The following GNS variants were observed in gnomAD, a reference collection of about 807,000 sequenced individuals.
GNS encodes the protein glucosamine (N-acetyl)-6-sulfatase.
Under a neutral mutation model 69.7 loss-of-function variants are expected in GNS, and 40 were observed. The observed-to-expected ratio is 0.57, with a 90% CI of 0.45 to 0.75. The LOEUF (loss-of-function observed/expected upper bound fraction) is 0.75, where lower values mean the gene tolerates loss of function less well. Among genes scored for constraint, GNS ranks in the 30% least tolerant of loss-of-function variants. The pLI is 0.00. For synonymous variants in GNS, 243 were observed against 251.6 expected, an observed-to-expected ratio of 0.97 and a Z score of 0.32; for missense variants, 565 against 685.5, an observed-to-expected ratio of 0.82 and a Z score of 1.96.
intron 2 of GNS, among the ~76,000 whole-genome samples, chr12:64,749,873 A>ATTT (rs35784292): frequency 1.6e-4 from 20 of 127,792 alleles, no homozygotes; most frequent in Non-Finnish European, 2.0e-4. Flanking sequence ...TGGTAGAGCA[A>ATTT]TTTTTTTTTT....
Position 64,759,144 on chromosome 12 carries a change from G to T in GNS, c.133C>A (p.Arg45=), listed in dbSNP as rs1870385540. The change falls in exon 1 of 14, where the codon CGG becomes AGG. Residue 45 remains arginine (R), a synonymous_variant. Coordinates refer to ENST00000258145, the MANE Select transcript of GNS (RefSeq NM_002076.4). ...AGGAGCAGCACCACGTTGGGCCTCC[G>T]GGTTCCCGCAGCCACCCCGAAGACC... is the stretch of plus-strand genomic sequence containing the variant. ...LGVFGVAAGT[R]RPNVVLLLTD... The T allele has an allele frequency of 6.4e-7, 1 of 1,558,676 alleles. No individual in the cohort carries two copies. The highest frequency in any genetic ancestry group is 2.4e-5 in the East Asian group (1 of 42,030).
At chr12:64,738,751 T>G (rs763737454) in intron 8 of GNS, among the ~76,000 whole-genome samples, 3 of 152,000 alleles carry the variant, frequency 2.0e-5, no homozygotes, top group Non-Finnish European at 4.4e-5. Flanking sequence ...AGGCAGAGAT[T>G]GCTGTGAGCC....
chr12:64,754,525 GAA>G (rs1293675350), intron 1 of GNS, among the ~76,000 whole-genome samples: 2 of 152,116 alleles, frequency 1.3e-5, no homozygotes, highest in Non-Finnish European at 2.9e-5. Flanking sequence ...GCTTAGGGAG[GAA>G]AAGGGAGAGT....
Position 64,759,387 on chromosome 12 carries a change from G to A in GNS, c.-111C>T, listed in dbSNP as rs1482516010. 1 of 723,958 alleles carries A rather than the reference G, an allele frequency of 1.4e-6. No individual in the cohort carries two copies. The highest frequency in any genetic ancestry group is 2.2e-6 in the Non-Finnish European group (1 of 451,344). The allele number at this position is 723,958 out of a possible 1,614,324, so 44.8% of individuals were successfully genotyped here. On this transcript the variant is annotated 5_prime_UTR_variant, in exon 1 of 14. Coordinates refer to ENST00000258145, the MANE Select transcript of GNS (RefSeq NM_002076.4). ...AGGAATAAAAAGCCGTGCCTTGAAG[G>A]CCGGTGGCTGGAGTCAGACGTTTTC...
chr12:64,744,359 GAA>G (rs1296998825), intron 5 of GNS, among the ~76,000 whole-genome samples: 2 of 152,128 alleles, frequency 1.3e-5, no homozygotes, highest in Non-Finnish European at 2.9e-5. Flanking sequence ...CTCAGAATAG[GAA>G]AGTCCCAATT....
Position 64,759,281 on chromosome 12 carries a change from G to A in GNS, c.-5C>T. On this transcript the variant is annotated 5_prime_UTR_variant, in exon 1 of 14. Coordinates refer to ENST00000258145, the MANE Select transcript of GNS (RefSeq NM_002076.4). ...GGCTAGAGGCAGGAGCCGCATAGCG[G>A]ACAGGCTCCGGGGTGACCCCGGGAC... 2 of 1,511,206 alleles carry A rather than the reference G, an allele frequency of 1.3e-6. No individual in the cohort carries two copies. The highest frequency in any genetic ancestry group is 8.9e-7 in the Non-Finnish European group (1 of 1,129,458). 93.6% of individuals were successfully genotyped at this position (1,511,206 alleles called of 1,614,324 possible).
intron 12 of GNS, among the ~76,000 whole-genome samples, chr12:64,721,274 T>C (rs1391365517): frequency 6.6e-6 from 1 of 152,212 alleles, no homozygotes. Context: ...CAGGTGCTGG[T>C]AAGCTTTCTA....
At position 64,759,255 on chromosome 12, in the gene GNS, G is replaced by C; in HGVS notation, c.22C>G (p.Pro8Ala). Residue 8 changes from proline (P) to alanine (A), a missense_variant, in exon 1 of 14, where the codon CCA becomes GCA. Pro to Ala is a conservative substitution (Grantham distance 27). Around this residue, in one of 2 missense-constraint regions of GNS, gnomAD observed 181 missense variants for 174.4 expected, o/e 1.04. Transcript: ENST00000258145. ...GGGCTGCCCCGCCGGAGCCGACCTG[G>C]GGCTAGAGGCAGGAGCCGCATAGCG... MRLLPLA[P>A]GRLRRGSPRH... is the part of the protein sequence containing the mutation. The C allele has an allele frequency of 1.3e-6, 2 of 1,537,604 alleles. No individual in the cohort carries two copies. Among genetic ancestry groups the C allele is most frequent in the South Asian group, 1.2e-5 (1 of 82,916 alleles).
intron 3 of GNS, 120 bp from the exon 4 acceptor site, chr12:64,745,844 C>T (rs979704836): frequency 2.9e-5 from 21 of 724,000 alleles, no homozygotes; most frequent in Non-Finnish European, 4.1e-5. Flanking sequence ...TACCTAATTT[C>T]CCCAAATAGA....
chr12:64,728,396 A>T (rs1198866773), intron 10 of GNS, among the ~76,000 whole-genome samples: 2 of 152,254 alleles, frequency 1.3e-5, no homozygotes, highest in African/African-American at 4.8e-5. Context: ...CTGAAGTGGT[A>T]TGTCTTGTTA....
chr12:64,718,691 A>G (rs890111616), intron 13 of GNS, among the ~76,000 whole-genome samples: 6 of 152,272 alleles, frequency 3.9e-5, no homozygotes, highest in African/African-American at 1.4e-4. Flanking sequence ...CAAGAGGTCC[A>G]GTCCCTTGAC....
intron 9 of GNS, among the ~76,000 whole-genome samples, chr12:64,731,317 T>C (rs1592497470): frequency 6.6e-6 from 1 of 152,212 alleles, no homozygotes; most frequent in Non-Finnish European, 1.5e-5. Flanking sequence ...ATTCAAGTGA[T>C]CCGCCTGCCC....
chr12:64,747,986 G>T, intron 2 of GNS, 68 bp from the exon 3 acceptor site: 2 of 871,438 alleles, frequency 2.3e-6, no homozygotes, highest in South Asian at 1.3e-5. Context: ...CATTGTTAAA[G>T]AGAGTAAAGA....
At position 64,747,768 on chromosome 12, in the gene GNS, T is replaced by C. The variant is rs746153437; in HGVS notation, c.403A>G (p.Ile135Val). ...KIQEPNTFPA[I>V]LRSMCGYQTF... ...TGATAACCACACATTGATCTGAGAA[T>C]TGCTGGGAAAGTATTTGGTTCTTGG... The change falls in exon 3 of 14, where the codon ATT (isoleucine) becomes GTT (valine). Residue 135 changes from isoleucine to valine, a missense_variant. By Grantham distance (29) the Ile-to-Val change is conservative (BLOSUM62 3). This residue lies in a region of GNS where 181 missense variants were observed against 174.4 expected (regional missense o/e 1.04). Transcript: ENST00000258145. 8.1e-5 allele frequency: 130 copies of C among 1,612,930 alleles called. No individual in the cohort carries two copies. The highest frequency in any genetic ancestry group is 1.1e-4 in the Non-Finnish European group (129 of 1,179,014).
At position 64,722,624 on chromosome 12, in the gene GNS, C is replaced by T. The variant is rs141870457; in HGVS notation, c.1308+382G>A. Among the ~76,000 whole-genome samples, 1,317 of 152,248 alleles carry T rather than the reference C, an allele frequency of 8.7e-3. 21 individuals carry two copies. Among genetic ancestry groups the T allele is most frequent in the African/African-American group, 0.026 (1,099 of 41,546 alleles). ...GTGACCTGCCTGGCTGCCGCCAATG[C>T]GAGGCACTCATAATGGCATGGTTAC... On this transcript the variant is annotated intron_variant, in intron 11 of 13. Transcript: ENST00000258145.
Position 64,723,050 on chromosome 12 carries a change from T to C in GNS, c.1264A>G (p.Asn422Asp). 6.2e-7 allele frequency: 1 copy of C among 1,613,178 alleles called. No homozygotes were observed. The highest frequency in any genetic ancestry group is 8.5e-7 in the Non-Finnish European group (1 of 1,179,102). The part of the protein sequence containing the change: ...VLVEYQGEGR[N>D]VTDPTCPSLS... ...GAAGGGCATGTTGGGTCAGTGACGT[T>C]ACGGCCTTCTCCTTGGTATTCCACC... The change falls in exon 11 of 14, where the codon AAC (asparagine) becomes GAC (aspartate). Residue 422 changes from asparagine to aspartate, a missense_variant. Asn to Asp is a conservative substitution (Grantham distance 23). This residue lies in a region of GNS where 384 missense variants were observed against 511.0 expected (regional missense o/e 0.75). Transcript: ENST00000258145.
Position 64,715,123 on chromosome 12 carries a change from C to T in GNS, c.*1618G>A, listed in dbSNP as rs1265760297. ...TTGCCTGAGTTGAACAAGTTACAAA[C>T]CACAGCTCTTCCTCCTCCCCTGCTG... On this transcript the variant is annotated 3_prime_UTR_variant, in exon 14 of 14. Transcript: ENST00000258145. The T allele has an allele frequency of 6.6e-6, 1 of 152,618 alleles. No homozygotes were observed. The highest frequency in any genetic ancestry group is 2.4e-5 in the African/African-American group (1 of 41,456). 9.5% of individuals were successfully genotyped at this position (152,618 alleles called of 1,614,324 possible).
At chr12:64,746,018 T>C in intron 3 of GNS, 1 of 465,544 alleles carries the variant, frequency 2.1e-6, no homozygotes, top group Non-Finnish European at 3.9e-6. Context: ...GAATATTTTG[T>C]GAAATGTGAC....
At chr12:64,748,666 A>G (rs143973980) in intron 2 of GNS, among the ~76,000 whole-genome samples, 1 of 152,288 alleles carries the variant, frequency 6.6e-6, no homozygotes, top group Non-Finnish European at 1.5e-5. Context: ...CACTGGACAC[A>G]GACTTTTTTT....
Sources: allele counts gnomAD v4.1 joint callset (sites outside exome capture counted in the v4.1 genomes callset), GRCh38; gene constraint gnomAD v4.1.1; regional missense constraint gnomAD v4.1.1; transcripts MANE v1.5; gene names NCBI Gene and HGNC (gene_info 2026-07-23, HGNC 2026-07-21).